Variants in FNBP1 observed in about 807,000 individuals in gnomAD.
The protein encoded by FNBP1 is formin-binding protein 1.
In FNBP1, 26 loss-of-function variants were observed where a neutral mutation model predicts 90.6. The observed-to-expected ratio is 0.29, with a 90% confidence interval of 0.21 to 0.40. The LOEUF (loss-of-function observed/expected upper bound fraction) is 0.40. Ranked by LOEUF, FNBP1 falls within the 10% of genes least tolerant of loss-of-function variation. FNBP1 has a pLI of 1.00. For missense variants in FNBP1, 635 were observed against 768.0 expected (o/e 0.83, Z 2.05); for synonymous variants, 260 against 265.2 (o/e 0.98, Z 0.19).
chr9:129,920,311 T>C (rs1323264817), intron 10 of FNBP1, among the ~76,000 whole-genome samples: 2 of 149,176 alleles, frequency 1.3e-5, no homozygotes, highest in African/African-American at 4.9e-5. Context: ...AGTGTTAATC[T>C]TTTTTTTTTA....
At position 129,889,584 on chromosome 9, in the gene FNBP1, AAAC is replaced by A. The variant is rs1212933386; in HGVS notation, c.*952_*954del. ...GACTCCCGTCTCAAAAAAAAAAAAA[AAAC>A]AACAACAAAAAAGGAAGTGCTACCC... On this transcript the variant is annotated 3_prime_UTR_variant, in exon 17 of 17. Transcript: ENST00000446176. 1,485 of 214,140 alleles carry A rather than the reference AAAC, an allele frequency of 6.9e-3. 5 individuals are homozygous for A. The highest frequency in any genetic ancestry group is 0.011 in the Non-Finnish European group (1,140 of 106,176). 13.3% of individuals were successfully genotyped at this position (214,140 alleles called of 1,614,324 possible). A position where few individuals can be genotyped will look rare whatever the true frequency, so the allele number is the denominator to read the frequency against.
intron 12 of FNBP1, among the ~76,000 whole-genome samples, chr9:129,905,134 T>G (rs2037739953): frequency 6.6e-6 from 1 of 151,836 alleles, no homozygotes; most frequent in South Asian, 2.1e-4. Flanking sequence ...TACCTCCCTA[T>G]TTCTCAGCAA....
At chr9:130,025,357 C>T (rs981137237) in intron 1 of FNBP1, among the ~76,000 whole-genome samples, 10 of 152,148 alleles carry the variant, frequency 6.6e-5, no homozygotes, top group Non-Finnish European at 4.4e-5. Context: ...ATTTGAGCTA[C>T]AGTGTGGGAC....
intron 1 of FNBP1, among the ~76,000 whole-genome samples, chr9:130,026,133 C>G (rs537425384): frequency 3.9e-5 from 6 of 151,954 alleles, no homozygotes; most frequent in African/African-American, 1.5e-4. Flanking sequence ...ATGAACCAAG[C>G]AGTCTAGCTC....
intron 6 of FNBP1, among the ~76,000 whole-genome samples, chr9:129,936,703 G>A (rs564544216): frequency 2.9e-4 from 44 of 152,182 alleles, no homozygotes; most frequent in Admixed American, 7.9e-4. Flanking sequence ...ACTTTCAGAC[G>A]TGGCCAGGTA....
At chr9:129,958,630 C>T (rs1274878627) in intron 4 of FNBP1, 77 bp from the exon 5 acceptor site, 6 of 1,131,424 alleles carry the variant, frequency 5.3e-6, no homozygotes, top group Non-Finnish European at 7.7e-6. Context: ...TTTTCATCCA[C>T]TTAAACAACA....
chr9:130,003,936 T>A (rs1183169551), intron 1 of FNBP1, among the ~76,000 whole-genome samples: 38 of 40,928 alleles, frequency 9.3e-4, no homozygotes, highest in Non-Finnish European at 1.5e-3. Flanking sequence ...AAAAAAAAAG[T>A]AGTCTTCTGT....
intron 1 of FNBP1, among the ~76,000 whole-genome samples, chr9:130,038,730 T>C: frequency 6.6e-6 from 1 of 152,182 alleles, no homozygotes; most frequent in South Asian, 2.1e-4. Flanking sequence ...CTAACCAATA[T>C]GCATTATTCA....
At chr9:130,019,723 T>C (rs1474061839) in intron 1 of FNBP1, among the ~76,000 whole-genome samples, 1 of 152,234 alleles carries the variant, frequency 6.6e-6, no homozygotes, top group Non-Finnish European at 1.5e-5. Context: ...AGTGGTCAAA[T>C]GCATAATGCT....
At chr9:130,034,805 G>T (rs984023630) in intron 1 of FNBP1, among the ~76,000 whole-genome samples, 2 of 152,132 alleles carry the variant, frequency 1.3e-5, no homozygotes, top group Non-Finnish European at 2.9e-5. Context: ...CAGTGATGGG[G>T]AAATATGAGT....
intron 10 of FNBP1, 90 bp from the exon 11 acceptor site, chr9:129,916,070 G>T: frequency 1.1e-6 from 1 of 922,512 alleles, no homozygotes; most frequent in South Asian, 1.4e-5. Flanking sequence ...AGAAGAAGAG[G>T]AACTTGGTCA....
At chr9:129,917,388 G>A (rs886684224) in intron 10 of FNBP1, among the ~76,000 whole-genome samples, 1 of 151,764 alleles carries the variant, frequency 6.6e-6, no homozygotes, top group Admixed American at 6.6e-5. Context: ...CAGGTTGCAT[G>A]GTGGCACAAT....
chr9:130,022,873 G>C (rs1351342489), intron 1 of FNBP1, among the ~76,000 whole-genome samples: 1 of 152,098 alleles, frequency 6.6e-6, no homozygotes, highest in Non-Finnish European at 1.5e-5. Context: ...GACAGGGGTT[G>C]GCCGTGTTGC....
intron 1 of FNBP1, among the ~76,000 whole-genome samples, chr9:129,998,906 TAGA>T (rs915220590): frequency 1.7e-4 from 26 of 152,222 alleles, no homozygotes; most frequent in African/African-American, 6.3e-4. Flanking sequence ...CCAAATAAGA[TAGA>T]AGATCTTAAT....
intron 4 of FNBP1, among the ~76,000 whole-genome samples, chr9:129,961,851 GC>G (rs1467790659): frequency 6.6e-6 from 1 of 152,178 alleles, no homozygotes; most frequent in East Asian, 1.9e-4. Context: ...CTCCCAAAGT[GC>G]TGGGATTACA....
the FNBP1 span, among the ~76,000 whole-genome samples, chr9:130,048,647 T>A: frequency 1.2e-3 from 167 of 135,206 alleles, no homozygotes; most frequent in African/African-American, 4.3e-3. Context: ...CCCGGCTAAT[T>A]TTTTGTACAT....
At chr9:130,033,095 T>G (rs1338547860) in intron 1 of FNBP1, among the ~76,000 whole-genome samples, 1 of 152,104 alleles carries the variant, frequency 6.6e-6, no homozygotes, top group Non-Finnish European at 1.5e-5. Context: ...GGGACCAGAG[T>G]TTTTTTCATT....
intron 6 of FNBP1, among the ~76,000 whole-genome samples, chr9:129,930,643 AG>A (rs1175271660): frequency 6.6e-5 from 10 of 152,158 alleles, no homozygotes; most frequent in Non-Finnish European, 1.5e-4. Context: ...TACCTAAAAA[AG>A]GGGCAACAAT....
chr9:129,988,780 C>T lies in FNBP1; in HGVS notation c.140+6063G>A, dbSNP rs77907690. Among the ~76,000 whole-genome samples, 699 of 152,276 alleles carry T rather than the reference C, an allele frequency of 4.6e-3. 4 individuals carry two copies. Among genetic ancestry groups the T allele is most frequent in the Non-Finnish European group, 5.4e-3 (368 of 68,028 alleles). ...TGGCCATAGACAATACACATGGGCA[C>T]GGCAACATTCCAACAAATCTTTATT... is the stretch of plus-strand genomic sequence containing the variant. On this transcript the variant is annotated intron_variant, in intron 2 of 16. Transcript: ENST00000446176.
Sources: allele counts gnomAD v4.1 joint callset (sites outside exome capture counted in the v4.1 genomes callset), GRCh38; gene constraint gnomAD v4.1.1; transcripts MANE v1.5; gene names NCBI Gene and HGNC (gene_info 2026-07-23, HGNC 2026-07-21).